The following BIRC6 variants were observed in gnomAD, a reference collection of about 807,000 sequenced individuals.
BIRC6 encodes the protein dual E2 ubiquitin-conjugating enzyme/E3 ubiquitin-protein ligase BIRC6.
Under a neutral mutation model 503.3 loss-of-function variants are expected in BIRC6, and 98 were observed. The observed-to-expected ratio is 0.19, with a 90% confidence interval of 0.17 to 0.23. The LOEUF is 0.23. Among genes scored for constraint, BIRC6 ranks in the 10% least tolerant of loss-of-function variants. The pLI, the probability that BIRC6 is intolerant of heterozygous loss-of-function variation, is 1.00. For synonymous variants in BIRC6, 2,240 were observed against 2,078.7 expected, an observed-to-expected ratio of 1.08 and a Z score of -2.11; for missense variants, 5,360 against 5,806.0, an observed-to-expected ratio of 0.92 and a Z score of 2.50.
At chr2:32,438,811 C>T (rs2045055320) in intron 15 of BIRC6, among the ~76,000 whole-genome samples, 1 of 152,088 alleles carries the variant, frequency 6.6e-6, no homozygotes, top group Non-Finnish European at 1.5e-5. Context: ...CTGCCTGCCT[C>T]ACCCTCCCAA....
At chr2:32,529,292 C>T (rs1012778310) in intron 59 of BIRC6, 2 of 179,690 alleles carry the variant, frequency 1.1e-5, no homozygotes, top group Non-Finnish European at 2.3e-5. Flanking sequence ...TGCTTCTCTG[C>T]TACAATGTAG....
chr2:32,443,617 G>A (rs2045647417), intron 20 of BIRC6, 29 bp downstream of exon 20: 1 of 1,480,644 alleles, frequency 6.8e-7, no homozygotes, highest in South Asian at 1.2e-5. Context: ...ATCACAAATA[G>A]TTATAGTCAT....
chr2:32,548,582 G>GACCA (rs1295643165), intron 64 of BIRC6: 1 of 101,556 alleles, frequency 9.8e-6, no homozygotes, highest in East Asian at 2.8e-4. Context: ...AGGAGTTTGA[G>GACCA]ACCAGCCTGG....
At chr2:32,500,133 T>A in intron 46 of BIRC6, 24 bp downstream of exon 46, 1 of 1,546,680 alleles carries the variant, frequency 6.5e-7, no homozygotes, top group Non-Finnish European at 8.8e-7. Flanking sequence ...ATATTAATCT[T>A]ACCATTGTCT....
intron 73 of BIRC6, among the ~76,000 whole-genome samples, chr2:32,612,358 G>A (rs2062937291): frequency 6.6e-6 from 1 of 152,150 alleles, no homozygotes; most frequent in Admixed American, 6.5e-5. Flanking sequence ...AATGTGATTG[G>A]TTTGGAAGAT....
chr2:32,594,380 G>A, intron 67 of BIRC6: 1 of 194,182 alleles, frequency 5.1e-6, no homozygotes, highest in Non-Finnish European at 1.0e-5. Context: ...TTAAGACTAT[G>A]GGTGAGAATT....
rs758349591 is a variant in BIRC6 at position 32,477,480 on chromosome 2, C to T, written c.6965C>T (p.Thr2322Ile). ...CCTGAGATAGAACCACTTCCATTTA[C>T]TCTGGCCCATGAGCGTTGTATCTCA... ...ESPEIEPLPFTLAHERCISVV... is the reference protein window; with the variant it reads ...ESPEIEPLPFILAHERCISVV... The change falls in exon 35 of 74, where the codon ACT becomes ATT. Residue 2322 changes from threonine (T) to isoleucine (I), a missense_variant. Thr to Ile is a moderately conservative substitution (Grantham distance 89). This residue lies in a region of BIRC6 where 2,299 missense variants were observed against 2,267.2 expected (regional missense o/e 1.01). Coordinates refer to ENST00000421745, the MANE Select transcript of BIRC6 (RefSeq NM_016252.4). 1.2e-6 allele frequency: 2 copies of T among 1,613,996 alleles called. No homozygotes were observed. Among genetic ancestry groups the T allele is most frequent in the Non-Finnish European group, 1.7e-6 (2 of 1,179,878 alleles).
Position 32,515,331 on chromosome 2 carries a change from G to C in BIRC6, c.10910G>C (p.Arg3637Thr). 1 of 1,613,816 alleles carries C rather than the reference G, an allele frequency of 6.2e-7. No homozygotes were observed. The highest frequency in any genetic ancestry group is 1.3e-5 in the African/African-American group (1 of 75,040). ...TCAGGTTTGCCTTCTCTTCTTGTGA[G>C]GAGTCTGGCTAGTTTCTGCTTTAGC... ...LDSGLPSLLV[R>T]SLASFCFSHI... The change falls in exon 55 of 74, where the codon AGG becomes ACG. Residue 3637 changes from arginine to threonine, a missense_variant. Transcript: ENST00000421745.
At position 32,509,846 on chromosome 2, in the gene BIRC6, G is replaced by A. The variant is rs762199863; in HGVS notation, c.10089G>A (p.Ala3363=). 1.9e-5 allele frequency: 30 copies of A among 1,613,942 alleles called. No homozygotes were observed. The highest frequency in any genetic ancestry group is 5.5e-5 in the South Asian group (5 of 91,080). Residue 3363 remains alanine, a synonymous_variant, in exon 52 of 74, where the codon GCG becomes GCA. Transcript: ENST00000421745. ...APTANLLQTC[A]ALLMSPYCGM... ...CTGCTAATCTGCTGCAGACTTGTGC[G>A]GCCTTATTGATGTCACCTTACTGTG...
chr2:32,468,493 C>T lies in BIRC6; in HGVS notation c.5837C>T (p.Pro1946Leu), dbSNP rs1159649968. 2 of 1,613,324 alleles carry T rather than the reference C, an allele frequency of 1.2e-6. No individual in the cohort carries two copies. The highest frequency in any genetic ancestry group is 2.2e-5 in the South Asian group (2 of 91,032). Reference protein sequence around the residue: ...ETLLQSIDLPPLNSANNAQYF... With the variant: ...ETLLQSIDLPLLNSANNAQYF... ...CTTTTGCAAAGTATTGATCTTCCTC[C>T]TCTAAACAGTGCTAACAATGCACAG... The change falls in exon 29 of 74, where the codon CCT becomes CTT. Residue 1946 changes from proline to leucine, a missense_variant. Physicochemically the swap from Pro to Leu is moderately conservative, Grantham distance 98. Around this residue, in one of 16 missense-constraint regions of BIRC6, gnomAD observed 2,299 missense variants for 2,267.2 expected, o/e 1.01. Coordinates refer to ENST00000421745, the MANE Select transcript of BIRC6 (RefSeq NM_016252.4).
chr2:32,476,599 G>A (rs2049791738), intron 34 of BIRC6, among the ~76,000 whole-genome samples: 1 of 152,096 alleles, frequency 6.6e-6, no homozygotes, highest in Non-Finnish European at 1.5e-5. Context: ...GGAATGTATA[G>A]TTTTGCTAAT....
chr2:32,525,156 T>G, intron 58 of BIRC6, 137 bp downstream of exon 58: 1 of 819,878 alleles, frequency 1.2e-6, no homozygotes, highest in East Asian at 3.1e-5. Context: ...ATACTAGATT[T>G]TTATCTTTTT....
intron 66 of BIRC6, among the ~76,000 whole-genome samples, chr2:32,590,239 T>C (rs1347122150): frequency 6.6e-6 from 1 of 152,206 alleles, no homozygotes; most frequent in Non-Finnish European, 1.5e-5. Flanking sequence ...AGGAGCACAG[T>C]GTGATCAGTG....
chr2:32,562,281 G>T (rs1322693581), intron 65 of BIRC6, among the ~76,000 whole-genome samples: 3 of 151,982 alleles, frequency 2.0e-5, no homozygotes. Context: ...TGTATTACTT[G>T]TATTCTTTTA....
rs772628102 is a variant in BIRC6, at chr2:32,617,792, C to G, written c.14462C>G (p.Thr4821Ser). 6.2e-7 allele frequency: 1 copy of G among 1,614,024 alleles called. No individual in the cohort carries two copies. The highest frequency in any genetic ancestry group is 1.7e-5 in the Admixed American group (1 of 60,020). The change falls in exon 74 of 74, where the codon ACT becomes AGT. Residue 4821 changes from threonine (T) to serine (S), a missense_variant. By Grantham distance (58) the Thr-to-Ser change is moderately conservative (BLOSUM62 1). This residue lies in a region of BIRC6 where 140 missense variants were observed against 130.2 expected (regional missense o/e 1.07). Transcript: ENST00000421745. The part of the protein sequence containing the change: ...LPCPEGLDPD[T>S]DDAPEVCRAT... ...TGCCCTGAAGGCTTGGATCCTGACA[C>G]TGACGATGCCCCAGAGGTGTGCAGA...
At chr2:32,410,704 C>CTTT (rs1404812049) in intron 9 of BIRC6, among the ~76,000 whole-genome samples, 1 of 142,822 alleles carries the variant, frequency 7.0e-6, no homozygotes, top group Non-Finnish European at 1.5e-5. Context: ...TGGGCAACTT[C>CTTT]TTTTTTTTTT....
At chr2:32,505,344 ATAAT>A (rs1354634418) in intron 50 of BIRC6, 139 bp downstream of exon 50, 4 of 675,978 alleles carry the variant, frequency 5.9e-6, no homozygotes, top group South Asian at 2.0e-5. Flanking sequence ...TTTTATTGAA[ATAAT>A]TAATACTACC....
At chr2:32,582,489 C>T (rs1002403222) in intron 66 of BIRC6, among the ~76,000 whole-genome samples, 4 of 151,960 alleles carry the variant, frequency 2.6e-5, no homozygotes, top group East Asian at 1.9e-4. Context: ...CTTAGCTGGG[C>T]GTGGTGGCTC....
In BIRC6 at chr2:32,508,262, ATGTTT is replaced by A. The variant is rs2054001781; in HGVS notation, c.9980+9_9980+13del. ...GAAGATCAGGTATCCAAAACAAGGT[ATGTTT>A]TGTTTGTCCTTTTTTTTTTTTTTTT... On this transcript the variant is annotated splice_donor_5th_base_variant and intron_variant, in intron 51 of 73. Transcript: ENST00000421745. 3 of 589,986 alleles carry A rather than the reference ATGTTT, an allele frequency of 5.1e-6. No individual in the cohort carries two copies. The highest frequency in any genetic ancestry group is 4.5e-5 in the Admixed American group (1 of 22,010). 36.5% of individuals were successfully genotyped at this position (589,986 alleles called of 1,614,324 possible).
Sources: gnomAD v4.1 joint callset for allele counts (sites outside exome capture counted in the v4.1 genomes callset) on GRCh38, gnomAD v4.1.1 for gene constraint, gnomAD v4.1.1 regional missense constraint, MANE v1.5 for transcripts, NCBI Gene and HGNC (gene_info 2026-07-23, HGNC 2026-07-21) for gene names.